OSBPL10: variants seen among roughly 807,000 people sequenced by gnomAD.
OSBPL10 encodes oxysterol binding protein like 10.
Under a neutral mutation model 81.7 loss-of-function variants are expected in OSBPL10, and 49 were observed. That is an observed-to-expected ratio of 0.60 (90% CI 0.48 to 0.76). OSBPL10 has a LOEUF of 0.76. Ranked by LOEUF, OSBPL10 falls within the 30% of genes least tolerant of loss-of-function variation. OSBPL10 has a pLI of 0.00. For synonymous variants in OSBPL10, 419 were observed against 383.6 expected (o/e 1.09, Z -1.08); for missense variants, 923 against 987.8 (o/e 0.93, Z 0.88).
At chr3:31,914,284 C>T (rs565192944) in intron 1 of OSBPL10, among the ~76,000 whole-genome samples, 162 of 152,236 alleles carry the variant, frequency 1.1e-3, no homozygotes, top group African/African-American at 3.6e-3. Context: ...TAGCATTTCC[C>T]GAAAAGTGTT....
At chr3:32,042,429 T>C (rs1699587648) in intron 2 of OSBPL10, among the ~76,000 whole-genome samples, 4 of 152,216 alleles carry the variant, frequency 2.6e-5, no homozygotes, top group Admixed American at 2.6e-4. Flanking sequence ...TCAAAGTCTA[T>C]TCATCCTTAA....
intron 2 of OSBPL10, chr3:31,988,790 A>G: frequency 2.2e-6 from 1 of 457,932 alleles, no homozygotes; most frequent in Non-Finnish European, 3.9e-6. Context: ...GAGACCTGCT[A>G]ACAGCCATGT....
At chr3:31,751,517 G>A (rs567562501) in intron 4 of OSBPL10, among the ~76,000 whole-genome samples, 56 of 152,276 alleles carry the variant, frequency 3.7e-4, no homozygotes, top group African/African-American at 1.3e-3. Context: ...GAAGAACTAC[G>A]GCACTGAAAG....
intron 1 of OSBPL10, among the ~76,000 whole-genome samples, chr3:31,923,049 T>G (rs1696963661): frequency 6.6e-6 from 1 of 152,140 alleles, no homozygotes; most frequent in Non-Finnish European, 1.5e-5. Context: ...ATCTGAACAC[T>G]TCACAAAGAA....
At chr3:31,911,061 C>A (rs1349332712) in intron 1 of OSBPL10, among the ~76,000 whole-genome samples, 1 of 152,126 alleles carries the variant, frequency 6.6e-6, no homozygotes, top group Non-Finnish European at 1.5e-5. Flanking sequence ...AAATGCGACA[C>A]CCACAGAGTA....
intron 3 of OSBPL10, among the ~76,000 whole-genome samples, chr3:31,839,389 T>C (rs960070535): frequency 2.6e-5 from 4 of 152,074 alleles, no homozygotes; most frequent in African/African-American, 9.7e-5. Flanking sequence ...AGGAACAAAG[T>C]ACAACAATAA....
Position 32,018,258 on chromosome 3 carries a change from G to T in OSBPL10, n.298+28233C>A, listed in dbSNP as rs546984580. On this transcript the variant is annotated intron_variant and non_coding_transcript_variant, in intron 2 of 3. Coordinates refer to the OSBPL10 transcript ENST00000479173. ...ATTGTTAAACTATGATGGTAAAGAAGTTTGATCCCAACCTTTCAGAAACCA... is the reference window on the plus strand; with the variant it reads ...ATTGTTAAACTATGATGGTAAAGAATTTTGATCCCAACCTTTCAGAAACCA... Among the ~76,000 whole-genome samples the T allele has an allele frequency of 2.0e-5, 3 of 152,268 alleles. No homozygotes were observed. In the South Asian group the frequency reaches 6.2e-4, roughly 32 times the overall value.
chr3:31,917,160 C>T (rs1696780308), intron 1 of OSBPL10, among the ~76,000 whole-genome samples: 1 of 152,086 alleles, frequency 6.6e-6, no homozygotes, highest in African/African-American at 2.4e-5. Flanking sequence ...AGCATCCCAC[C>T]GGTGCCCACA....
intron 1 of OSBPL10, among the ~76,000 whole-genome samples, chr3:31,921,287 G>A (rs1405126690): frequency 7.2e-5 from 11 of 152,058 alleles, no homozygotes; most frequent in Admixed American, 7.2e-4. Context: ...TAACCCCATG[G>A]CAACAAGTAT....
chr3:31,880,732 G>A (rs1018494948), intron 1 of OSBPL10, among the ~76,000 whole-genome samples: 1 of 152,184 alleles, frequency 6.6e-6, no homozygotes, highest in Non-Finnish European at 1.5e-5. Flanking sequence ...TGCACATGCT[G>A]TTCTTGCTGT....
At chr3:31,910,629 C>T (rs373436568) in intron 1 of OSBPL10, among the ~76,000 whole-genome samples, 1 of 151,246 alleles carries the variant, frequency 6.6e-6, no homozygotes, top group Non-Finnish European at 1.5e-5. Context: ...GAGTGAGACT[C>T]TAGCTCAAAA....
chr3:31,817,621 G>A (rs1472920837), intron 4 of OSBPL10, among the ~76,000 whole-genome samples: 8 of 152,092 alleles, frequency 5.3e-5, no homozygotes, highest in African/African-American at 1.9e-4. Flanking sequence ...CCACAGGGAG[G>A]CTTGGATCCA....
chr3:31,755,600 G>T (rs889944911), intron 4 of OSBPL10, among the ~76,000 whole-genome samples: 4 of 152,158 alleles, frequency 2.6e-5, no homozygotes, highest in Non-Finnish European at 4.4e-5. Context: ...CCTTGCCCCT[G>T]GAAGGCAGGA....
intron 6 of OSBPL10, 110 bp from the exon 7 acceptor site, chr3:31,702,618 G>T (rs916112180): frequency 5.5e-6 from 8 of 1,444,080 alleles, no homozygotes; most frequent in Non-Finnish European, 7.5e-6. Context: ...TCCTGTCCCG[G>T]GCAGAGCTCC....
At chr3:31,858,976 A>G (rs1030306333) in intron 3 of OSBPL10, among the ~76,000 whole-genome samples, 1 of 152,212 alleles carries the variant, frequency 6.6e-6, no homozygotes, top group African/African-American at 2.4e-5. Flanking sequence ...TGTGTTATAA[A>G]AAGAATATTG....
intron 6 of OSBPL10, chr3:31,707,288 C>T (rs1575489856): frequency 6.6e-6 from 1 of 152,146 alleles, no homozygotes; most frequent in Non-Finnish European, 1.5e-5. Flanking sequence ...CCATCTTATG[C>T]CCAAGTAAAT....
intron 4 of OSBPL10, among the ~76,000 whole-genome samples, chr3:31,779,211 C>T (rs1698623870): frequency 6.6e-6 from 1 of 152,158 alleles, no homozygotes; most frequent in African/African-American, 2.4e-5. Flanking sequence ...AACAATATCT[C>T]ACATCTCAAT....
chr3:32,051,738 A>T (rs541461823), intron 1 of OSBPL10, among the ~76,000 whole-genome samples: 14 of 152,274 alleles, frequency 9.2e-5, no homozygotes, highest in Non-Finnish European at 2.1e-4. Context: ...AAACTAAAAA[A>T]CTGGCAAATG....
chr3:32,044,676 G>T (rs1276578129), intron 2 of OSBPL10, among the ~76,000 whole-genome samples: 2 of 143,918 alleles, frequency 1.4e-5, no homozygotes, highest in Non-Finnish European at 3.0e-5. Context: ...GGGAGGCAGA[G>T]GTTGCAGTGA....
Sources: allele counts gnomAD v4.1 joint callset (sites outside exome capture counted in the v4.1 genomes callset), GRCh38; gene constraint gnomAD v4.1.1; transcripts MANE v1.5; gene names NCBI Gene and HGNC (gene_info 2026-07-23, HGNC 2026-07-21).